The following HYAL4 variants were observed in gnomAD, a reference collection of about 807,000 sequenced individuals.
HYAL4 encodes hyaluronidase-4.
HYAL4 carries 37 observed loss-of-function variants against 35.2 expected under a neutral mutation model. The ratio of observed to expected loss-of-function variants is 1.05; its 90% confidence interval spans 0.81 to 1.38. HYAL4 has a LOEUF of 1.38. Among genes scored for constraint, HYAL4 ranks in the 40% most tolerant of loss-of-function variants. HYAL4 has a pLI of 0.00. For synonymous variants in HYAL4, 198 were observed against 203.2 expected (o/e 0.97, Z 0.22); for missense variants, 572 against 572.4 (o/e 1.00, Z 0.01).
chr7:123,859,425 C>T (rs1225686626), intron 2 of HYAL4, among the ~76,000 whole-genome samples: 1 of 152,104 alleles, frequency 6.6e-6, no homozygotes, highest in East Asian at 1.9e-4. Flanking sequence ...ATCAGTGTTC[C>T]TACCGAACAC....
At chr7:123,876,222 A>G (rs1417308926) in intron 4 of HYAL4, 1 of 334,278 alleles carries the variant, frequency 3.0e-6, no homozygotes, top group Non-Finnish European at 5.9e-6. Context: ...AATTAACAGG[A>G]AAATCCAGAA....
At chr7:123,766,452 A>C in the HYAL4 span, among the ~76,000 whole-genome samples, 1 of 152,050 alleles carries the variant, frequency 6.6e-6, no homozygotes, top group African/African-American at 2.4e-5. Flanking sequence ...CCCCCGGGTA[A>C]CCTAAGCTTA....
At chr7:123,837,083 T>G (rs1805976693) in intron 1 of HYAL4, among the ~76,000 whole-genome samples, 2 of 152,124 alleles carry the variant, frequency 1.3e-5, no homozygotes, top group African/African-American at 2.4e-5. Flanking sequence ...TTTTAACAGT[T>G]CTTGTAGTTC....
the HYAL4 span, among the ~76,000 whole-genome samples, chr7:123,808,364 A>G: frequency 6.6e-6 from 1 of 151,910 alleles, no homozygotes; most frequent in African/African-American, 2.4e-5. Flanking sequence ...GGTTGCATAG[A>G]AATGTGTACA....
the HYAL4 span, among the ~76,000 whole-genome samples, chr7:123,764,781 C>T: frequency 2.6e-5 from 4 of 152,144 alleles, no homozygotes; most frequent in African/African-American, 9.7e-5. Context: ...TCCTCTGTAG[C>T]CAGGTAAGTG....
the HYAL4 span, among the ~76,000 whole-genome samples, chr7:123,785,808 A>G: frequency 2.0e-5 from 3 of 152,178 alleles, 1 homozygote; most frequent in Non-Finnish European, 4.4e-5. This position sits in a 1 kb window ranked among gnomAD's most constrained non-coding sequence, Gnocchi z 4.5. Flanking sequence ...GCCAACCTAT[A>G]AAAATGCTAC....
chr7:123,787,621 T>C, the HYAL4 span, among the ~76,000 whole-genome samples: 1 of 152,164 alleles, frequency 6.6e-6, no homozygotes, highest in African/African-American at 2.4e-5. Context: ...TAGGAAATCC[T>C]CTCTATGGCC....
chr7:123,848,786 CTGTT>C (rs1806230618), intron 2 of HYAL4, among the ~76,000 whole-genome samples: 1 of 152,046 alleles, frequency 6.6e-6, no homozygotes, highest in African/African-American at 2.4e-5. Context: ...TACAAGAGGA[CTGTT>C]TGTTGGAATA....
intron 2 of HYAL4, among the ~76,000 whole-genome samples, chr7:123,866,002 T>G (rs1309071080): frequency 6.6e-6 from 1 of 152,118 alleles, no homozygotes; most frequent in Non-Finnish European, 1.5e-5. Context: ...GCATGAGACT[T>G]ATTCATTATC....
At chr7:123,867,316 T>G (rs1375713514) in intron 2 of HYAL4, among the ~76,000 whole-genome samples, 1 of 152,066 alleles carries the variant, frequency 6.6e-6, no homozygotes, top group Non-Finnish European at 1.5e-5. Flanking sequence ...GAAAAGTAAC[T>G]ATGTGTGGGA....
intron 4 of HYAL4, among the ~76,000 whole-genome samples, chr7:123,875,481 AGCCAG>A (rs1806988092): frequency 2.0e-5 from 3 of 152,006 alleles, no homozygotes; most frequent in African/African-American, 7.2e-5. Flanking sequence ...ACATGAAGAA[AGCCAG>A]TCTCTACTAG....
chr7:123,778,039 T>C, the HYAL4 span, among the ~76,000 whole-genome samples: 1 of 152,144 alleles, frequency 6.6e-6, no homozygotes, highest in African/African-American at 2.4e-5. Flanking sequence ...AATAATTTTG[T>C]CATAGAAGGC....
Position 123,876,861 on chromosome 7 carries a change from T to C in HYAL4, c.1152T>C (p.Asn384=), listed in dbSNP as rs550578713. The change falls in exon 5 of 5, where the codon AAT becomes AAC. Residue 384 remains asparagine, a synonymous_variant. Transcript: ENST00000223026. ...GCAGCCTTCACCTCTGCAGGAACAA[T>C]GGCAGGTGCATAAGGAAGATGTGGA... ...EVCSLHLCRN[N]GRCIRKMWNA... is the part of the protein sequence containing the mutation. 1 of 1,614,172 alleles carries C rather than the reference T, an allele frequency of 6.2e-7. No individual in the cohort carries two copies. Among genetic ancestry groups the C allele is most frequent in the Non-Finnish European group, 8.5e-7 (1 of 1,180,026 alleles).
Position 123,877,450 on chromosome 7 carries a change from C to A in HYAL4, c.*295C>A. The A allele has an allele frequency of 8.6e-6, 2 of 231,368 alleles. No homozygotes were observed. The highest frequency in any genetic ancestry group is 1.7e-5 in the Non-Finnish European group (2 of 118,634). 14.3% of individuals were successfully genotyped at this position (231,368 alleles called of 1,614,324 possible). On this transcript the variant is annotated 3_prime_UTR_variant, in exon 5 of 5. Coordinates refer to ENST00000223026, the MANE Select transcript of HYAL4 (RefSeq NM_012269.3). ...ATGAATGTACATACATAAAATTATA[C>A]ATAAAAATATTAAATTATTCATTTC...
chr7:123,813,418 T>G, the HYAL4 span, among the ~76,000 whole-genome samples: 2 of 152,186 alleles, frequency 1.3e-5, no homozygotes, highest in Non-Finnish European at 2.9e-5. Context: ...AGGGTTTAAC[T>G]GCTGAATATA....
At chr7:123,799,872 A>C in the HYAL4 span, among the ~76,000 whole-genome samples, 15 of 152,060 alleles carry the variant, frequency 9.9e-5, no homozygotes, top group African/African-American at 3.6e-4. Flanking sequence ...CTAAAAATAG[A>C]AGTCTTGCCT....
intron 2 of HYAL4, among the ~76,000 whole-genome samples, chr7:123,857,669 G>GTTTGTTTCTTTCTTTCTTTC (rs1283770130): frequency 5.6e-5 from 7 of 124,656 alleles, no homozygotes; most frequent in East Asian, 2.3e-4. Flanking sequence ...TTCTTTGTTT[G>GTTTGTTTCTTTCTTTCTTTC]TTTCTTTCTT....
chr7:123,857,951 C>A (rs1806492552), intron 2 of HYAL4, among the ~76,000 whole-genome samples: 2 of 151,988 alleles, frequency 1.3e-5, no homozygotes, highest in African/African-American at 4.8e-5. Context: ...AATCCCAGCA[C>A]TTTGGGAGGC....
chr7:123,840,602 A>T (rs895752820), upstream of HYAL4, among the ~76,000 whole-genome samples: 1 of 152,004 alleles, frequency 6.6e-6, no homozygotes, highest in African/African-American at 2.4e-5. Context: ...CACGGTATTG[A>T]TTCTTCCTAT....
Sources: allele counts gnomAD v4.1 joint callset (sites outside exome capture counted in the v4.1 genomes callset), GRCh38; gene constraint gnomAD v4.1.1; non-coding constraint Gnocchi (gnomAD v3.1); transcripts MANE v1.5; gene names NCBI Gene and HGNC (gene_info 2026-07-23, HGNC 2026-07-21).